Variants in UBE2E2 observed in about 807,000 individuals in gnomAD.
UBE2E2 encodes ubiquitin conjugating enzyme E2 E2.
UBE2E2 carries 6 observed loss-of-function variants against 24.7 expected under a neutral mutation model. The ratio of observed to expected loss-of-function variants is 0.24; its 90% CI spans 0.13 to 0.48. The LOEUF is 0.48. Among genes scored for constraint, UBE2E2 ranks in the 20% least tolerant of loss-of-function variants. The probability of loss-of-function intolerance (pLI) is 0.99; values close to 1 mark genes in which losing one functional copy is unlikely to be tolerated. For missense variants in UBE2E2, 169 were observed against 245.0 expected (o/e 0.69, Z 2.07); for synonymous variants, 104 against 83.6 (o/e 1.24, Z -1.33).
intron 3 of UBE2E2, among the ~76,000 whole-genome samples, chr3:23,321,218 C>G (rs1694729158): frequency 1.3e-5 from 2 of 152,180 alleles, no homozygotes; most frequent in African/African-American, 4.8e-5. Flanking sequence ...AGGGTCGACT[C>G]TGATTAACTT....
At chr3:23,226,240 G>C (rs1205230590) in intron 3 of UBE2E2, among the ~76,000 whole-genome samples, 1 of 150,856 alleles carries the variant, frequency 6.6e-6, no homozygotes, top group African/African-American at 2.4e-5. Context: ...GTGTGTGGGG[G>C]TTATTTTTTG....
chr3:23,504,932 A>G (rs1394027616), intron 4 of UBE2E2, among the ~76,000 whole-genome samples: 1 of 40,768 alleles, frequency 2.5e-5, no homozygotes, highest in Admixed American at 1.6e-4. Context: ...TTTTTGAGAC[A>G]GGGTCTCACT....
chr3:23,227,369 CTT>C (rs1696855303), intron 3 of UBE2E2, among the ~76,000 whole-genome samples: 1 of 152,142 alleles, frequency 6.6e-6, no homozygotes, highest in Non-Finnish European at 1.5e-5. Context: ...AGCTCAGAGT[CTT>C]TTCGAGGGAG....
At chr3:23,477,536 C>T (rs1302868889) in intron 3 of UBE2E2, among the ~76,000 whole-genome samples, 1 of 152,152 alleles carries the variant, frequency 6.6e-6, no homozygotes, top group Non-Finnish European at 1.5e-5. Context: ...TGGACTTGTC[C>T]ACTGCCAAAT....
At chr3:23,514,099 C>G (rs973379764) in intron 4 of UBE2E2, among the ~76,000 whole-genome samples, 1 of 152,166 alleles carries the variant, frequency 6.6e-6, no homozygotes, top group African/African-American at 2.4e-5. Context: ...CATGCAGGCC[C>G]TCCTAGGCCT....
intron 3 of UBE2E2, among the ~76,000 whole-genome samples, chr3:23,496,985 A>G (rs549334921): frequency 6.6e-6 from 1 of 152,334 alleles, no homozygotes; most frequent in Non-Finnish European, 1.5e-5. Flanking sequence ...TGCATGTTAT[A>G]TGTATATATG....
At chr3:23,382,178 ATTTTTTTTTT>A (rs10645761) in intron 3 of UBE2E2, among the ~76,000 whole-genome samples, 1 of 110,842 alleles carries the variant, frequency 9.0e-6, no homozygotes, top group African/African-American at 3.5e-5. Flanking sequence ...GAATACTTTA[ATTTTTTTTTT>A]TTTTTTTTTT....
intron 4 of UBE2E2, among the ~76,000 whole-genome samples, chr3:23,525,642 T>C (rs56388332): frequency 0.023 from 3,444 of 152,348 alleles, 51 homozygotes; most frequent in Non-Finnish European, 0.033. Flanking sequence ...TAAATGCCAA[T>C]GTAGGCGTAA....
chr3:23,470,332 G>A (rs550672099), intron 3 of UBE2E2, among the ~76,000 whole-genome samples: 198 of 152,292 alleles, frequency 1.3e-3, no homozygotes, highest in African/African-American at 4.5e-3. Flanking sequence ...CCCCAATCCG[G>A]GGTTTGACAG....
chr3:23,550,713 A>G (rs1352740796), intron 5 of UBE2E2, among the ~76,000 whole-genome samples: 3 of 152,162 alleles, frequency 2.0e-5, no homozygotes, highest in Non-Finnish European at 2.9e-5. Flanking sequence ...TAAGCCCTAC[A>G]ATTGTCCCCA....
At chr3:23,278,601 G>A (rs1340466476) in intron 3 of UBE2E2, among the ~76,000 whole-genome samples, 1 of 152,094 alleles carries the variant, frequency 6.6e-6, no homozygotes, top group Non-Finnish European at 1.5e-5. Context: ...TTATTTTAAT[G>A]TATAATATAT....
At chr3:23,476,057 C>G (rs1262607805) in intron 3 of UBE2E2, among the ~76,000 whole-genome samples, 1 of 152,050 alleles carries the variant, frequency 6.6e-6, no homozygotes, top group Non-Finnish European at 1.5e-5. Context: ...TTCAAAACCT[C>G]TCCTCTTCCT....
intron 3 of UBE2E2, among the ~76,000 whole-genome samples, chr3:23,282,013 A>G (rs1698501081): frequency 6.6e-6 from 1 of 152,226 alleles, no homozygotes; most frequent in African/African-American, 2.4e-5. Flanking sequence ...TAAATTTTGC[A>G]AATGAAACTT....
chr3:23,221,677 C>G (rs1209346316), intron 3 of UBE2E2, among the ~76,000 whole-genome samples: 1 of 151,786 alleles, frequency 6.6e-6, no homozygotes, highest in Non-Finnish European at 1.5e-5. Flanking sequence ...GCTCTTGTCG[C>G]CCAAACTAGA....
At chr3:23,295,365 C>G (rs778138401) in intron 3 of UBE2E2, among the ~76,000 whole-genome samples, 5 of 152,008 alleles carry the variant, frequency 3.3e-5, no homozygotes, top group African/African-American at 4.8e-5. Flanking sequence ...AAAATTAAGG[C>G]CTTAATGCTA....
intron 3 of UBE2E2, among the ~76,000 whole-genome samples, chr3:23,357,509 G>T (rs906546875): frequency 3.3e-5 from 5 of 151,856 alleles, no homozygotes; most frequent in African/African-American, 1.2e-4. Flanking sequence ...TAACAGGCAG[G>T]TTTAGCATTT....
intron 3 of UBE2E2, among the ~76,000 whole-genome samples, chr3:23,223,271 C>T (rs965485304): frequency 1.3e-5 from 2 of 151,176 alleles, no homozygotes; most frequent in African/African-American, 4.9e-5. Context: ...TGGCTCACTG[C>T]AACCACTGCC....
chr3:23,337,368 C>T (rs934668652), intron 3 of UBE2E2, among the ~76,000 whole-genome samples: 1 of 152,044 alleles, frequency 6.6e-6, no homozygotes, highest in Non-Finnish European at 1.5e-5. Flanking sequence ...AGTACTAATT[C>T]GGCCCTGTTT....
At chr3:23,404,144 AC>A (rs1697298745) in intron 3 of UBE2E2, among the ~76,000 whole-genome samples, 1 of 152,168 alleles carries the variant, frequency 6.6e-6, no homozygotes, top group Non-Finnish European at 1.5e-5. Flanking sequence ...ACACACTCAC[AC>A]ACACACACAT....
Sources: allele counts gnomAD v4.1 joint callset (sites outside exome capture counted in the v4.1 genomes callset), GRCh38; gene constraint gnomAD v4.1.1; transcripts MANE v1.5; gene names NCBI Gene and HGNC (gene_info 2026-07-23, HGNC 2026-07-21).